METTL2A: variants seen among roughly 807,000 people sequenced by gnomAD.
METTL2A encodes tRNA N(3)-cytidine methyltransferase METTL2A.
Under a neutral mutation model 49.4 loss-of-function variants are expected in METTL2A, and 45 were observed. The ratio of observed to expected loss-of-function variants is 0.91; its 90% CI spans 0.72 to 1.17. The LOEUF (loss-of-function observed/expected upper bound fraction) is 1.17, where lower values mean the gene tolerates loss of function less well. Among genes scored for constraint, METTL2A ranks in the 50% most tolerant of loss-of-function variants. The pLI is 0.00. For synonymous variants in METTL2A, 118 were observed against 167.5 expected (o/e 0.70, Z 2.28); for missense variants, 361 against 462.2 (o/e 0.78, Z 2.01).
chr17:62,449,500 C>T lies in METTL2A; in HGVS notation c.*771C>T. ...CCAAGGCGGGCGGATCAGCTGAGGT[C>T]AGGAGTTGGAGACCAGCGTGGCCAA... is the stretch of plus-strand genomic sequence containing the variant. On this transcript the variant is annotated 3_prime_UTR_variant, in exon 9 of 9. Transcript: ENST00000311506. 3 of 404,232 alleles carry T rather than the reference C, an allele frequency of 7.4e-6. No homozygotes were observed. Among genetic ancestry groups the T allele is most frequent in the South Asian group, 5.3e-5 (3 of 56,744 alleles). 25.0% of individuals were successfully genotyped at this position (404,232 alleles called of 1,614,324 possible). A position where few individuals can be genotyped will look rare whatever the true frequency, so the allele number is the denominator to read the frequency against.
At chr17:62,435,659 T>C (rs1461291483) in intron 5 of METTL2A, among the ~76,000 whole-genome samples, 1 of 152,220 alleles carries the variant, frequency 6.6e-6, no homozygotes, top group African/African-American at 2.4e-5. Context: ...CTGTTGTACT[T>C]GGTTTGGGGT....
intron 4 of METTL2A, among the ~76,000 whole-genome samples, chr17:62,432,085 T>C (rs2144140607): frequency 6.6e-6 from 1 of 152,182 alleles, no homozygotes; most frequent in East Asian, 1.9e-4. Context: ...CTTCAGGACA[T>C]TTTCATCATC....
Position 62,440,614 on chromosome 17 carries a change from C to T in METTL2A, c.670-3C>T, listed in dbSNP as rs1391084656. Reference sequence around the variant, plus strand: ...CTTACCTGTGTCTTCCATCTGTCTGCAGACAAATTCAGAATATGATCCTTC... The same window carrying T: ...CTTACCTGTGTCTTCCATCTGTCTGTAGACAAATTCAGAATATGATCCTTC... On this transcript the variant is annotated splice_region_variant and splice_polypyrimidine_tract_variant and intron_variant, in intron 5 of 8. Coordinates refer to ENST00000311506, the MANE Select transcript of METTL2A (RefSeq NM_181725.4). 3.1e-6 allele frequency: 5 copies of T among 1,607,464 alleles called. No individual in the cohort carries two copies. Among genetic ancestry groups the T allele is most frequent in the Non-Finnish European group, 4.2e-6 (5 of 1,178,150 alleles).
intron 4 of METTL2A, among the ~76,000 whole-genome samples, chr17:62,428,835 G>A (rs190033095): frequency 7.0e-4 from 107 of 152,300 alleles, no homozygotes; most frequent in Admixed American, 1.6e-3. Context: ...CCCGACTAGC[G>A]CACAGTGGTG....
At chr17:62,429,664 A>G (rs2070651579) in intron 4 of METTL2A, among the ~76,000 whole-genome samples, 3 of 152,002 alleles carry the variant, frequency 2.0e-5, no homozygotes, top group African/African-American at 7.2e-5. Context: ...TATATTTATT[A>G]TACCATATCT....
At chr17:62,426,784 A>G in intron 3 of METTL2A, 130 bp downstream of exon 3, 1 of 642,726 alleles carries the variant, frequency 1.6e-6, no homozygotes, top group South Asian at 2.2e-5. Flanking sequence ...CCCTTATATT[A>G]GCCTGGAATC....
chr17:62,426,103 G>C (rs556508632), intron 2 of METTL2A, among the ~76,000 whole-genome samples, 196 bp from the exon 3 acceptor site: 2 of 152,154 alleles, frequency 1.3e-5, no homozygotes, highest in African/African-American at 4.8e-5. Flanking sequence ...CTATAATGAC[G>C]GATAGGGGCA....
At chr17:62,439,421 T>G (rs1437214592) in intron 5 of METTL2A, among the ~76,000 whole-genome samples, 2 of 146,394 alleles carry the variant, frequency 1.4e-5, no homozygotes, top group East Asian at 2.1e-4. Context: ...GCTTTTGGTT[T>G]GTTTGTTTGT....
In METTL2A at chr17:62,440,643, G is replaced by T. The variant is rs187096564; in HGVS notation, c.696G>T (p.Arg232=). 1.2e-6 allele frequency: 2 copies of T among 1,613,484 alleles called. No homozygotes were observed. Among genetic ancestry groups the T allele is most frequent in the African/African-American group, 2.7e-5 (2 of 74,928 alleles). The change falls in exon 6 of 9, where the codon CGG becomes CGT. Residue 232 remains arginine, a synonymous_variant. Transcript: ENST00000311506. ...CAAATTCAGAATATGATCCTTCTCG[G>T]TGTTTTGCCTTTGTTCACGACCTGT... ...VQTNSEYDPS[R]CFAFVHDLCD... is the part of the protein sequence containing the mutation.
At chr17:62,442,905 C>T (rs975064548) in intron 6 of METTL2A, among the ~76,000 whole-genome samples, 6 of 152,166 alleles carry the variant, frequency 3.9e-5, no homozygotes, top group Non-Finnish European at 7.3e-5. Flanking sequence ...CTCCCAGAGT[C>T]CAAGGACCCC....
At chr17:62,432,930 A>G (rs1420444987) in intron 4 of METTL2A, among the ~76,000 whole-genome samples, 1 of 152,176 alleles carries the variant, frequency 6.6e-6, no homozygotes, top group Non-Finnish European at 1.5e-5. Context: ...TCCAGGTGAC[A>G]GAGCAAGACC....
chr17:62,444,236 A>G (rs2070754509), intron 6 of METTL2A, among the ~76,000 whole-genome samples: 1 of 152,220 alleles, frequency 6.6e-6, no homozygotes, highest in Non-Finnish European at 1.5e-5. Flanking sequence ...TATCTAGGAC[A>G]GTGGGGAAGT....
chr17:62,452,422 G>T lies in METTL2A; in HGVS notation c.*3693G>T, dbSNP rs1183480704. On this transcript the variant is annotated 3_prime_UTR_variant, in exon 9 of 9. Transcript: ENST00000311506. Reference sequence around the variant, plus strand: ...GAAGTGCTTTGAGACTAAATATCCTGTTCCTCATCAAACTTCTACCCCCTA... The same window carrying T: ...GAAGTGCTTTGAGACTAAATATCCTTTTCCTCATCAAACTTCTACCCCCTA... Among the ~76,000 whole-genome samples the T allele has an allele frequency of 6.6e-6, 1 of 152,168 alleles. No homozygotes were observed. Among genetic ancestry groups the T allele is most frequent in the Non-Finnish European group, 1.5e-5 (1 of 68,034 alleles).
At chr17:62,439,119 C>T (rs1212185000) in intron 5 of METTL2A, among the ~76,000 whole-genome samples, 12 of 151,176 alleles carry the variant, frequency 7.9e-5, no homozygotes, top group Admixed American at 6.6e-4. Flanking sequence ...GCTGGGATTA[C>T]AGGCGGGTGC....
At chr17:62,445,493 T>G (rs1037909051) in intron 7 of METTL2A, among the ~76,000 whole-genome samples, 1 of 152,070 alleles carries the variant, frequency 6.6e-6, no homozygotes, top group Non-Finnish European at 1.5e-5. Flanking sequence ...AGAAGAGCTT[T>G]TATTAGAAAG....
chr17:62,425,118 C>T (rs1238619503), intron 2 of METTL2A, among the ~76,000 whole-genome samples: 1 of 151,230 alleles, frequency 6.6e-6, no homozygotes, highest in Admixed American at 6.6e-5. Context: ...ACATTAAGTG[C>T]TTTTCCCAGA....
Position 62,441,135 on chromosome 17 carries a change from C to T in METTL2A, c.809+379C>T, listed in dbSNP as rs1460887418. Among the ~76,000 whole-genome samples the T allele has an allele frequency of 2.0e-5, 3 of 152,266 alleles. No homozygotes were observed. The East Asian group carries it at 5.8e-4, about 29-fold the overall frequency. The stretch of plus-strand genomic sequence containing the variant: ...GAGGGACCTTGATATTAGAGTTGGG[C>T]TCAAAGTAAAAAGAGTTTTGTTTAT... On this transcript the variant is annotated intron_variant, in intron 6 of 8. Transcript: ENST00000311506.
At chr17:62,430,600 A>G (rs1467499758) in intron 4 of METTL2A, among the ~76,000 whole-genome samples, 1 of 151,924 alleles carries the variant, frequency 6.6e-6, no homozygotes, top group African/African-American at 2.4e-5. Flanking sequence ...CTTTGTTTCT[A>G]CTACACTATT....
At chr17:62,425,580 T>A (rs1335206850) in intron 2 of METTL2A, among the ~76,000 whole-genome samples, 2 of 141,630 alleles carry the variant, frequency 1.4e-5, no homozygotes, top group African/African-American at 2.6e-5. Flanking sequence ...ACAGACGGGG[T>A]TTCACCGTGC....
Sources: allele counts gnomAD v4.1 joint callset (sites outside exome capture counted in the v4.1 genomes callset), GRCh38; gene constraint gnomAD v4.1.1; transcripts MANE v1.5; gene names NCBI Gene and HGNC (gene_info 2026-07-23, HGNC 2026-07-21).